Variants in GTF3C3 observed in about 807,000 individuals in gnomAD.
The protein encoded by GTF3C3 is general transcription factor 3C polypeptide 3.
GTF3C3 carries 75 observed loss-of-function variants against 105.2 expected under a neutral mutation model. That is an observed-to-expected ratio of 0.71 (90% CI 0.59 to 0.86). The LOEUF is 0.86. Among genes scored for constraint, GTF3C3 ranks in the 40% least tolerant of loss-of-function variants. GTF3C3 has a pLI of 0.00. For missense variants in GTF3C3, 856 were observed against 1,076.5 expected, an observed-to-expected ratio of 0.80 and a Z score of 2.87; for synonymous variants, 335 against 370.4, an observed-to-expected ratio of 0.90 and a Z score of 1.10.
At chr2:196,780,376 C>T in intron 9 of GTF3C3, 183 bp downstream of exon 9, 2 of 1,239,998 alleles carry the variant, frequency 1.6e-6, no homozygotes, top group Non-Finnish European at 2.1e-6. Context: ...TACTGTAAGC[C>T]CAATTGCAAA....
At chr2:196,766,821 C>T in intron 16 of GTF3C3, 104 bp from the exon 17 acceptor site, 2 of 801,598 alleles carry the variant, frequency 2.5e-6, no homozygotes, top group Non-Finnish European at 3.9e-6. Flanking sequence ...TTTTAAAAAC[C>T]TATCTATCTG....
At chr2:196,798,595 G>A (rs1454901497) in intron 1 of GTF3C3, among the ~76,000 whole-genome samples, 1 of 151,702 alleles carries the variant, frequency 6.6e-6, no homozygotes, top group East Asian at 1.9e-4. Flanking sequence ...AGAATCTGCC[G>A]GCCGGGCAAA....
chr2:196,790,015 AC>A lies in GTF3C3; in HGVS notation c.590del (p.Gly197ValfsTer11). On this transcript the variant is annotated frameshift_variant, in exon 5 of 18. Transcript: ENST00000263956. LOFTEE classifies it high-confidence loss of function. ...CAAACTGCAATGATTTTTCCATGTC[AC>A]CTTGGTCCTCATATATCATGGCTAG... ...STLAMIYEDQ[G>X]DMEKSLQFEL... 6.2e-7 allele frequency: 1 copy of A among 1,613,538 alleles called. No homozygotes were observed. The highest frequency in any genetic ancestry group is 8.5e-7 in the Non-Finnish European group (1 of 1,179,748).
rs1699578950 is a variant in GTF3C3 at position 196,793,046 on chromosome 2, C to T, written c.321G>A (p.Glu107=). The change falls in exon 3 of 18, where the codon GAG becomes GAA. Residue 107 remains glutamate, a synonymous_variant. Coordinates refer to ENST00000263956, the MANE Select transcript of GTF3C3 (RefSeq NM_012086.5). ...GTTGCTCAGGTGTTTCTTCCTCCTC[C>T]TCCTCCTCCTCCTCTTCTTCCTCTT... ...EEEEEEEEEE[E]EEEETPEQPT... 2.5e-6 allele frequency: 4 copies of T among 1,612,848 alleles called. No homozygotes were observed. Among genetic ancestry groups the T allele is most frequent in the Non-Finnish European group, 3.4e-6 (4 of 1,178,992 alleles).
At chr2:196,799,194 C>T (rs1699702307) in intron 1 of GTF3C3, 1 of 262,524 alleles carries the variant, frequency 3.8e-6, no homozygotes, top group Non-Finnish European at 7.4e-6. Context: ...GGACTAGAAC[C>T]TGAAACTGAC....
Position 196,776,773 on chromosome 2 carries a change from C to T in GTF3C3, c.1391-144G>A, listed in dbSNP as rs1699264743. On this transcript the variant is annotated intron_variant, in intron 10 of 17. Coordinates refer to ENST00000263956, the MANE Select transcript of GTF3C3 (RefSeq NM_012086.5). The surrounding 1 kb of genome is among the most constrained non-coding windows in gnomAD (Gnocchi z 4.5). ...CGTATTTCTAGTACTTTAAAACTAT[C>T]CCTAATCTCTATTAATCAATCGATC... is the stretch of plus-strand genomic sequence containing the variant. The T allele has an allele frequency of 1.6e-6, 1 of 610,674 alleles. No homozygotes were observed. The highest frequency in any genetic ancestry group is 3.0e-5 in the Admixed American group (1 of 33,668). 37.8% of individuals were successfully genotyped at this position (610,674 alleles called of 1,614,324 possible).
chr2:196,781,376 A>AT (rs1699357778), intron 8 of GTF3C3, among the ~76,000 whole-genome samples: 1 of 124,142 alleles, frequency 8.1e-6, no homozygotes, highest in African/African-American at 2.9e-5. Flanking sequence ...ATATATATAT[A>AT]TATATATATA....
rs1040559143 is a variant in GTF3C3 at position 196,773,137 on chromosome 2, G to T, written c.1848C>A (p.Leu616=). The T allele has an allele frequency of 6.2e-7, 1 of 1,601,568 alleles. No individual in the cohort carries two copies. Among genetic ancestry groups the T allele is most frequent in the Non-Finnish European group, 8.5e-7 (1 of 1,172,510 alleles). Residue 616 remains leucine, a synonymous_variant, in exon 14 of 18, where the codon CTC becomes CTA. Transcript: ENST00000263956. ...NCDAKAIFAV[L]TSVLTKDDWW... is the part of the protein sequence containing the mutation. ...AGTCATCCTTTGTCAAGACGCTTGT[G>T]AGCACAGCAAATATTGCTAAAATGA... is the stretch of plus-strand genomic sequence containing the variant.
Position 196,784,889 on chromosome 2 carries a change from GTT to G in GTF3C3, c.1080_1081del (p.Lys360AsnfsTer11). 6.3e-7 allele frequency: 1 copy of G among 1,593,280 alleles called. No individual in the cohort carries two copies. The highest frequency in any genetic ancestry group is 8.6e-7 in the Non-Finnish European group (1 of 1,165,482). Reference sequence around the variant, plus strand: ...CTCTTCTGAGGTGCCTTCTTCTGAAGTTTTTTTTTCCAGCACAATTCCAGAAA... The same window carrying G: ...CTCTTCTGAGGTGCCTTCTTCTGAAGTTTTTTTCCAGCACAATTCCAGAAA... On this transcript the variant is annotated frameshift_variant, in exon 8 of 18. Transcript: ENST00000263956. LOFTEE classifies it high-confidence loss of function.
chr2:196,770,081 G>C (rs775335148), intron 15 of GTF3C3, 42 bp from the exon 16 acceptor site: 2 of 1,442,242 alleles, frequency 1.4e-6, no homozygotes, highest in South Asian at 3.3e-5. Context: ...GACAAGAACA[G>C]AGTTATTTAT....
chr2:196,785,717 C>T, intron 6 of GTF3C3, 129 bp from the exon 7 acceptor site: 1 of 615,468 alleles, frequency 1.6e-6, no homozygotes, highest in Non-Finnish European at 2.9e-6. Context: ...ATGTGTATTT[C>T]CTTAAAATCG....
intron 8 of GTF3C3, among the ~76,000 whole-genome samples, chr2:196,782,471 AGT>A (rs569498005): frequency 2.6e-3 from 395 of 152,382 alleles, no homozygotes; most frequent in Middle Eastern, 3.4e-3. Context: ...TTAAAAATAT[AGT>A]GTGTATAGAT....
chr2:196,782,900 C>T (rs1275815298), intron 8 of GTF3C3, among the ~76,000 whole-genome samples: 1 of 152,140 alleles, frequency 6.6e-6, no homozygotes, highest in Non-Finnish European at 1.5e-5. Flanking sequence ...TATTAACTAA[C>T]ATTTAACATA....
intron 15 of GTF3C3, among the ~76,000 whole-genome samples, 177 bp from the exon 16 acceptor site, chr2:196,770,216 T>C (rs1259413312): frequency 6.6e-6 from 1 of 152,204 alleles, no homozygotes; most frequent in African/African-American, 2.4e-5. Flanking sequence ...ATAAAACAAG[T>C]TCCCCATGAA....
Position 196,773,131 on chromosome 2 carries a change from G to T in GTF3C3, c.1854C>A (p.Ser618Arg). ...DAKAIFAVLT[S>R]VLTKDDWWNL... is the part of the protein sequence containing the mutation. ...TCCACCAGTCATCCTTTGTCAAGAC[G>T]CTTGTGAGCACAGCAAATATTGCTA... The change falls in exon 14 of 18, where the codon AGC (serine) becomes AGA (arginine). Residue 618 changes from serine (S) to arginine (R), a missense_variant. Transcript: ENST00000263956. 1 of 1,604,946 alleles carries T rather than the reference G, an allele frequency of 6.2e-7. No homozygotes were observed. The highest frequency in any genetic ancestry group is 8.5e-7 in the Non-Finnish European group (1 of 1,174,806).
Position 196,764,665 on chromosome 2 carries a change from T to G in GTF3C3, c.2559A>C (p.Leu853Phe). Reference protein sequence around the residue: ...LVVEGIELDQLDLRRDIAYNL... With the variant: ...LVVEGIELDQFDLRRDIAYNL... ...TGTAGGCAATATCTCTTCGTAAGTC[T>G]AACTGGTCAAGTTCTATACCCTAGG... The change falls in exon 18 of 18, where the codon TTA (leucine) becomes TTC (phenylalanine). Residue 853 changes from leucine (L) to phenylalanine (F), a missense_variant. Transcript: ENST00000263956. 1.2e-6 allele frequency: 2 copies of G among 1,612,024 alleles called. No homozygotes were observed. Among genetic ancestry groups the G allele is most frequent in the East Asian group, 4.5e-5 (2 of 44,854 alleles).
intron 10 of GTF3C3, among the ~76,000 whole-genome samples, chr2:196,777,065 A>G (rs1417520275): frequency 6.6e-6 from 1 of 152,230 alleles, no homozygotes; most frequent in Non-Finnish European, 1.5e-5. Context: ...ATGTTTTATT[A>G]GCTCACAGTG....
intron 3 of GTF3C3, among the ~76,000 whole-genome samples, chr2:196,792,061 C>T (rs1432627061): frequency 6.6e-6 from 1 of 151,784 alleles, no homozygotes; most frequent in East Asian, 1.9e-4. Context: ...CATTTATATT[C>T]CAGAATTATG....
intron 2 of GTF3C3, 56 bp from the exon 3 acceptor site, chr2:196,793,208 A>G: frequency 8.1e-7 from 1 of 1,237,480 alleles, no homozygotes; most frequent in Non-Finnish European, 1.1e-6. Flanking sequence ...ATTCTCAGTG[A>G]AAAACAAGTA....
Sources: allele counts gnomAD v4.1 joint callset (sites outside exome capture counted in the v4.1 genomes callset), GRCh38; gene constraint gnomAD v4.1.1; non-coding constraint Gnocchi (gnomAD v3.1); transcripts MANE v1.5; gene names NCBI Gene and HGNC (gene_info 2026-07-23, HGNC 2026-07-21).